ADGRB3: variants seen among roughly 807,000 people sequenced by gnomAD.
ADGRB3 encodes the protein adhesion G protein-coupled receptor B3, also known as brain-specific angiogenesis inhibitor 3.
A neutral mutation model predicts 193.4 loss-of-function variants in ADGRB3; 37 were observed. The ratio of observed to expected loss-of-function variants is 0.19; its 90% CI spans 0.15 to 0.25. ADGRB3 has a LOEUF of 0.25. ADGRB3 is among the 10% of genes least tolerant of loss of function. The pLI is 1.00. For missense variants in ADGRB3, 1,637 were observed against 1,852.9 expected (o/e 0.88, Z 2.14); for synonymous variants, 690 against 644.2 (o/e 1.07, Z -1.08).
rs3799067 is a variant in ADGRB3 at position 69,239,691 on chromosome 6, G to T, written c.2814+465G>T. On this transcript the variant is annotated intron_variant, in intron 20 of 31. Transcript: ENST00000370598. Reference sequence around the variant, plus strand: ...TGAAAAATATCCATAGGCAATAATTGAAGAGAGTGTTAGATGAAAGCTACT... The same window carrying T: ...TGAAAAATATCCATAGGCAATAATTTAAGAGAGTGTTAGATGAAAGCTACT... Among the ~76,000 whole-genome samples the T allele has an allele frequency of 5.3e-5, 8 of 151,942 alleles. No individual in the cohort carries two copies. The East Asian group carries it at 1.4e-3, about 26-fold the overall frequency.
At chr6:69,303,190 T>G (rs1365800019) in intron 20 of ADGRB3, among the ~76,000 whole-genome samples, 1 of 151,888 alleles carries the variant, frequency 6.6e-6, no homozygotes, top group African/African-American at 2.4e-5. Flanking sequence ...TTTGGCTTCT[T>G]TTACAACATG....
intron 20 of ADGRB3, among the ~76,000 whole-genome samples, chr6:69,240,346 C>G (rs2127261157): frequency 6.6e-6 from 1 of 152,156 alleles, no homozygotes; most frequent in African/African-American, 2.4e-5. Context: ...AATGACAACC[C>G]CATCAAGGGC....
rs373867539 is a variant in ADGRB3 at position 68,638,750 on chromosome 6, C to G, written c.75C>G (p.Ala25=). 66 of 1,613,956 alleles carry G rather than the reference C, an allele frequency of 4.1e-5. No individual in the cohort carries two copies. Among genetic ancestry groups the G allele is most frequent in the Non-Finnish European group, 5.4e-5 (64 of 1,180,014 alleles). ...TGGTTATGTTTGGATTTAATGCTGC[C>G]CAAGACTTCTGGTGTTCAACTTTGG... ...YLLVMFGFNA[A]QDFWCSTLVK... Residue 25 remains alanine, a synonymous_variant, in exon 3 of 32, where the codon GCC becomes GCG. Transcript: ENST00000370598.
At chr6:69,194,542 C>T (rs12195787) in intron 17 of ADGRB3, among the ~76,000 whole-genome samples, 1,891 of 152,146 alleles carry the variant, frequency 0.012, 22 homozygotes, top group Non-Finnish European at 0.017. Flanking sequence ...GTTTTGATTG[C>T]GTGAGAATGG....
chr6:68,637,888 A>G (rs1767993928), intron 2 of ADGRB3, among the ~76,000 whole-genome samples: 2 of 152,148 alleles, frequency 1.3e-5, no homozygotes, highest in South Asian at 2.1e-4. Context: ...GGCATGTCAC[A>G]TTGAAATGAC....
intron 20 of ADGRB3, among the ~76,000 whole-genome samples, chr6:69,252,894 A>G: frequency 6.6e-6 from 1 of 151,980 alleles, no homozygotes; most frequent in South Asian, 2.1e-4. Context: ...ATATTATCTT[A>G]TCTATATTCT....
At chr6:69,385,892 T>C (rs1301349507) in intron 31 of ADGRB3, among the ~76,000 whole-genome samples, 2 of 151,994 alleles carry the variant, frequency 1.3e-5, no homozygotes, top group Admixed American at 1.3e-4. Flanking sequence ...CGCAGGACGA[T>C]GAGTCGCTCC....
chr6:69,210,148 T>TTATATATATATATATATATATATATATA (rs1561953521), intron 17 of ADGRB3, among the ~76,000 whole-genome samples: 4 of 39,072 alleles, frequency 1.0e-4, no homozygotes, highest in Admixed American at 2.2e-4. Context: ...TTAATATATA[T>TTATATATATATATATATATATATATATA]CATATATATA....
intron 3 of ADGRB3, among the ~76,000 whole-genome samples, chr6:68,685,354 A>G (rs1037179911): frequency 3.3e-4 from 51 of 152,266 alleles, no homozygotes; most frequent in African/African-American, 1.2e-3. Context: ...TAAAACTCAG[A>G]GAACAAGAGA....
intron 3 of ADGRB3, among the ~76,000 whole-genome samples, chr6:68,811,723 G>T (rs1192248985): frequency 1.3e-5 from 2 of 152,062 alleles, no homozygotes; most frequent in Non-Finnish European, 2.9e-5. Flanking sequence ...ACCCGCTTTG[G>T]GCTCTCAGAG....
intron 17 of ADGRB3, among the ~76,000 whole-genome samples, chr6:69,158,217 T>C (rs1774896248): frequency 6.6e-6 from 1 of 151,992 alleles, no homozygotes; most frequent in South Asian, 2.1e-4. Flanking sequence ...TTATTTATTT[T>C]CCCCCTCACA....
intron 3 of ADGRB3, among the ~76,000 whole-genome samples, chr6:68,861,230 C>T (rs1313173841): frequency 6.6e-6 from 1 of 152,126 alleles, no homozygotes; most frequent in Non-Finnish European, 1.5e-5. Flanking sequence ...CCTCTATAAT[C>T]CACCTGGCCT....
chr6:68,799,822 A>G (rs189494084), intron 3 of ADGRB3, among the ~76,000 whole-genome samples: 2 of 152,304 alleles, frequency 1.3e-5, no homozygotes, highest in Admixed American at 6.5e-5. Context: ...ATAACTATGC[A>G]CACCATGAAA....
intron 17 of ADGRB3, among the ~76,000 whole-genome samples, chr6:69,209,297 A>G (rs1765605217): frequency 6.6e-6 from 1 of 152,208 alleles, no homozygotes; most frequent in South Asian, 2.1e-4. Context: ...AAATAGGCCC[A>G]CTAGGCATTG....
chr6:68,911,447 A>G (rs1471234280), intron 3 of ADGRB3, among the ~76,000 whole-genome samples: 1 of 152,150 alleles, frequency 6.6e-6, no homozygotes, highest in East Asian at 1.9e-4. Context: ...TTGAGGGTAA[A>G]GCCACAGGTC....
intron 3 of ADGRB3, among the ~76,000 whole-genome samples, chr6:68,904,533 A>T (rs550799614): frequency 6.6e-6 from 1 of 152,298 alleles, no homozygotes; most frequent in South Asian, 2.1e-4. Flanking sequence ...TTTTAGAAAC[A>T]TTACATATGT....
At chr6:68,797,446 G>C (rs1293046057) in intron 3 of ADGRB3, among the ~76,000 whole-genome samples, 1 of 152,036 alleles carries the variant, frequency 6.6e-6, no homozygotes, top group Non-Finnish European at 1.5e-5. Context: ...GGTAGAGAGA[G>C]AGATGCTGGC....
intron 13 of ADGRB3, among the ~76,000 whole-genome samples, chr6:69,022,519 T>C (rs900649627): frequency 5.9e-5 from 9 of 151,966 alleles, no homozygotes; most frequent in Non-Finnish European, 1.0e-4. Flanking sequence ...ATTTCTCTTA[T>C]TATCTTTCTG....
chr6:68,922,138 ACAATAATGTTTT>A (rs559878199), intron 3 of ADGRB3, among the ~76,000 whole-genome samples: 345 of 152,302 alleles, frequency 2.3e-3, no homozygotes, highest in African/African-American at 7.8e-3. Flanking sequence ...ACTAGGGATA[ACAATAATGTTTT>A]TCTATGAAAA....
Sources: allele counts gnomAD v4.1 joint callset (sites outside exome capture counted in the v4.1 genomes callset), GRCh38; gene constraint gnomAD v4.1.1; transcripts MANE v1.5; gene names NCBI Gene and HGNC (gene_info 2026-07-23, HGNC 2026-07-21).